The following ATRNL1 variants were observed in gnomAD, a reference collection of about 807,000 sequenced individuals.
ATRNL1 encodes the protein attractin like 1, also known as attractin-like protein 1.
ATRNL1 carries 95 observed loss-of-function variants against 182.7 expected under a neutral mutation model. The observed-to-expected ratio is 0.52, with a 90% confidence interval of 0.44 to 0.62. ATRNL1 has a LOEUF of 0.62. Ranked by LOEUF, ATRNL1 falls within the 20% of genes least tolerant of loss-of-function variation. The pLI is 0.00. For synonymous variants in ATRNL1, 576 were observed against 568.3 expected (o/e 1.01, Z -0.19); for missense variants, 1,471 against 1,679.5 (o/e 0.88, Z 2.17).
intron 19 of ATRNL1, among the ~76,000 whole-genome samples, chr10:115,340,178 C>T (rs946125715): frequency 6.6e-6 from 1 of 152,198 alleles, no homozygotes; most frequent in Non-Finnish European, 1.5e-5. Context: ...GAGTCTCGCT[C>T]TGTCACCCAG....
At chr10:115,175,219 G>A (rs375427380) in intron 8 of ATRNL1, among the ~76,000 whole-genome samples, 9 of 151,868 alleles carry the variant, frequency 5.9e-5, no homozygotes, top group South Asian at 2.1e-4. Flanking sequence ...GTGCTTCATC[G>A]TTTCCTTTAT....
chr10:115,530,719 C>T (rs1392456004), intron 25 of ATRNL1, among the ~76,000 whole-genome samples: 1 of 151,360 alleles, frequency 6.6e-6, no homozygotes, highest in East Asian at 1.9e-4. Context: ...TGCTGGTGTG[C>T]TGCACCCATT....
chr10:115,649,478 A>G (rs1859844780), intron 26 of ATRNL1, among the ~76,000 whole-genome samples: 1 of 152,046 alleles, frequency 6.6e-6, no homozygotes, highest in South Asian at 2.1e-4. Flanking sequence ...GATAATTGTA[A>G]TTGAATTGTT....
intron 1 of ATRNL1, among the ~76,000 whole-genome samples, chr10:115,094,626 A>G (rs1457432395): frequency 2.0e-5 from 3 of 152,108 alleles, no homozygotes; most frequent in Admixed American, 6.5e-5. Flanking sequence ...CAATTTTCTC[A>G]TTTATTCCCT....
intron 9 of ATRNL1, among the ~76,000 whole-genome samples, chr10:115,234,845 T>C (rs980888943): frequency 1.3e-5 from 2 of 152,138 alleles, no homozygotes; most frequent in Non-Finnish European, 2.9e-5. Flanking sequence ...CGCCTTGGCC[T>C]CCCAAAGTGC....
intron 27 of ATRNL1, among the ~76,000 whole-genome samples, chr10:115,806,817 C>A (rs1260219517): frequency 6.6e-6 from 1 of 152,074 alleles, no homozygotes; most frequent in Non-Finnish European, 1.5e-5. Flanking sequence ...ATTATAATAA[C>A]ACTTATAGGG....
chr10:115,913,999 T>C (rs1385492824), intron 28 of ATRNL1, among the ~76,000 whole-genome samples: 2 of 152,122 alleles, frequency 1.3e-5, no homozygotes, highest in Non-Finnish European at 2.9e-5. Context: ...CCCCACGTTT[T>C]GGGGGAGGGA....
chr10:115,370,129 C>T (rs1370264463), intron 19 of ATRNL1, among the ~76,000 whole-genome samples: 1 of 152,200 alleles, frequency 6.6e-6, no homozygotes, highest in Non-Finnish European at 1.5e-5. Context: ...ATGTGCCTTT[C>T]ACATTCTGCC....
chr10:115,529,744 TTG>T (rs1187887922), intron 25 of ATRNL1, among the ~76,000 whole-genome samples: 1 of 152,126 alleles, frequency 6.6e-6, no homozygotes, highest in African/African-American at 2.4e-5. Flanking sequence ...TAATTTTAAT[TTG>T]TGTTTTATTT....
intron 28 of ATRNL1, among the ~76,000 whole-genome samples, chr10:115,858,253 G>A (rs1486622373): frequency 6.6e-6 from 1 of 152,168 alleles, no homozygotes; most frequent in African/African-American, 2.4e-5. Flanking sequence ...TATGTTCATT[G>A]CAGCACTGTT....
intron 26 of ATRNL1, among the ~76,000 whole-genome samples, chr10:115,616,701 G>T (rs112100062): frequency 3.3e-5 from 5 of 152,182 alleles, no homozygotes; most frequent in Non-Finnish European, 7.3e-5. Flanking sequence ...AAGGACCGAG[G>T]TACAGCTCAG....
At chr10:115,791,320 T>C (rs533859276) in intron 27 of ATRNL1, among the ~76,000 whole-genome samples, 1 of 152,300 alleles carries the variant, frequency 6.6e-6, no homozygotes, top group East Asian at 1.9e-4. Context: ...ATGCTTTTTC[T>C]CATTATTATT....
chr10:115,843,437 G>A (rs1950856669), intron 27 of ATRNL1, among the ~76,000 whole-genome samples: 1 of 151,940 alleles, frequency 6.6e-6, no homozygotes, highest in African/African-American at 2.4e-5. Context: ...GAACTAAAGA[G>A]GGAGAAACTA....
At chr10:115,417,693 T>G (rs1554961124) in intron 20 of ATRNL1, among the ~76,000 whole-genome samples, 1 of 152,158 alleles carries the variant, frequency 6.6e-6, no homozygotes, top group Admixed American at 6.5e-5. Flanking sequence ...CATGATTGTC[T>G]GGGGCACTGG....
chr10:115,756,376 T>C (rs191804648), intron 27 of ATRNL1, among the ~76,000 whole-genome samples: 76 of 152,314 alleles, frequency 5.0e-4, no homozygotes, highest in African/African-American at 1.8e-3. Context: ...TTTGTTCTCA[T>C]TGGTTTAAAA....
Position 115,495,611 on chromosome 10 carries a change from C to T in ATRNL1, c.3655-23652C>T, listed in dbSNP as rs202040133. 5.9e-5 allele frequency among the ~76,000 whole-genome samples: 9 copies of T among 151,964 alleles called. No individual in the cohort carries two copies. In the East Asian group the frequency reaches 1.7e-3, roughly 29 times the overall value. ...ATTCAGGAGTAGGCTGTTTAACTTC[C>T]ATGTGATTTTATAGTTTCGAGTGAT... On this transcript the variant is annotated intron_variant, in intron 24 of 28. Transcript: ENST00000355044.
chr10:115,378,940 T>G (rs1299742705), intron 19 of ATRNL1, among the ~76,000 whole-genome samples: 5 of 152,182 alleles, frequency 3.3e-5, no homozygotes. Flanking sequence ...AGCAAGGAAA[T>G]AATGATATAG....
intron 21 of ATRNL1, among the ~76,000 whole-genome samples, chr10:115,430,198 T>G (rs1554963698): frequency 6.6e-6 from 1 of 152,166 alleles, no homozygotes; most frequent in African/African-American, 2.4e-5. Context: ...AAATAAAAAT[T>G]AGGTATTTCA....
At chr10:115,701,806 A>G (rs1333413180) in intron 26 of ATRNL1, among the ~76,000 whole-genome samples, 1 of 151,948 alleles carries the variant, frequency 6.6e-6, no homozygotes, top group Non-Finnish European at 1.5e-5. Context: ...ATCAGTAGTA[A>G]AAACCTACCA....
Sources: gnomAD v4.1 joint callset for allele counts (sites outside exome capture counted in the v4.1 genomes callset) on GRCh38, gnomAD v4.1.1 for gene constraint, MANE v1.5 for transcripts, NCBI Gene and HGNC (gene_info 2026-07-23, HGNC 2026-07-21) for gene names.